The following RNF38 variants were observed in gnomAD, a reference collection of about 807,000 sequenced individuals.
RNF38 encodes ring finger protein 38, also known as E3 ubiquitin-protein ligase RNF38.
A neutral mutation model predicts 67.2 loss-of-function variants in RNF38; 15 were observed. The observed-to-expected ratio is 0.22, with a 90% CI of 0.15 to 0.34. The LOEUF (loss-of-function observed/expected upper bound fraction) is 0.34. Among genes scored for constraint, RNF38 ranks in the 10% least tolerant of loss-of-function variants. The pLI, the probability that RNF38 is intolerant of heterozygous loss-of-function variation, is 1.00. For synonymous variants in RNF38, 220 were observed against 218.8 expected, an observed-to-expected ratio of 1.01 and a Z score of -0.05; for missense variants, 524 against 639.9, an observed-to-expected ratio of 0.82 and a Z score of 1.95.
intron 1 of RNF38, among the ~76,000 whole-genome samples, chr9:36,481,796 C>G (rs1840275709): frequency 6.6e-6 from 1 of 152,124 alleles, no homozygotes. Context: ...GTTTGTACTC[C>G]CCCCTCCTCT....
chr9:36,367,182 C>T (rs551501779), intron 4 of RNF38, among the ~76,000 whole-genome samples: 2 of 152,248 alleles, frequency 1.3e-5, no homozygotes, highest in African/African-American at 4.8e-5. Flanking sequence ...CAGGTTTGCT[C>T]AAATGAACAA....
At chr9:36,459,963 G>C (rs917038784) in intron 1 of RNF38, among the ~76,000 whole-genome samples, 3 of 151,628 alleles carry the variant, frequency 2.0e-5, no homozygotes, top group Admixed American at 6.6e-5. Context: ...AATACTATAA[G>C]AGAAAATTTT....
rs151115370 is a variant in RNF38 at position 36,369,610 on chromosome 9, A to G, written c.570+109T>C. ...AGGAATGAGGAACTTAAATAACTTC[A>G]TTTTAGGTAAAAACTAAAAGAAATT... is the stretch of plus-strand genomic sequence containing the variant. On this transcript the variant is annotated intron_variant, in intron 4 of 11. Transcript: ENST00000259605. 1,750 of 816,630 alleles carry G rather than the reference A, an allele frequency of 2.1e-3. 20 individuals are homozygous for G. The African/African-American group carries it at 0.027, about 13-fold the overall frequency. The allele number at this position is 816,630 out of a possible 1,614,324, so 50.6% of individuals were successfully genotyped here. A position where few individuals can be genotyped will look rare whatever the true frequency, so the allele number is the denominator to read the frequency against.
In RNF38 at chr9:36,430,490, C is replaced by T. The variant is rs138306608; in HGVS notation, n.242-5807G>A. Among the ~76,000 whole-genome samples the T allele has an allele frequency of 4.4e-3, 669 of 152,242 alleles. 1 individual carries two copies. Among genetic ancestry groups the T allele is most frequent in the African/African-American group, 0.014 (579 of 41,522 alleles). ...AAAGTGCTGGGATTACAGGCAAGAGCTACTGTGCCTGGCCTTAATATTTTT... is the reference window on the plus strand; with the variant it reads ...AAAGTGCTGGGATTACAGGCAAGAGTTACTGTGCCTGGCCTTAATATTTTT... On this transcript the variant is annotated intron_variant and non_coding_transcript_variant, in intron 1 of 3. Transcript: ENST00000488058.
intron 2 of RNF38, among the ~76,000 whole-genome samples, chr9:36,413,156 G>C (rs566430883): frequency 3.0e-4 from 46 of 151,734 alleles, no homozygotes; most frequent in African/African-American, 9.9e-4. Flanking sequence ...TTGAACCTGG[G>C]GGGGCAGAAG....
chr9:36,341,960 C>T (rs1413739079), intron 11 of RNF38, among the ~76,000 whole-genome samples: 1 of 151,876 alleles, frequency 6.6e-6, no homozygotes, highest in Non-Finnish European at 1.5e-5. Flanking sequence ...AGAAAATGGT[C>T]AGAATTAAAT....
At chr9:36,394,144 G>A (rs549500432) in intron 1 of RNF38, among the ~76,000 whole-genome samples, 14 of 152,206 alleles carry the variant, frequency 9.2e-5, no homozygotes, top group South Asian at 4.2e-4. Context: ...GCGTGGTGGC[G>A]CACACCTGTA....
At chr9:36,397,025 G>GTATATACACATGTA (rs1837566537) in intron 1 of RNF38, among the ~76,000 whole-genome samples, 2 of 112,618 alleles carry the variant, frequency 1.8e-5, no homozygotes, top group Non-Finnish European at 3.8e-5. Flanking sequence ...GTGTGTGTGT[G>GTATATACACATGTA]TATATACGTA....
chr9:36,390,414 CTGTAGAA>C, intron 2 of RNF38, 46 bp downstream of exon 2: 1 of 1,499,982 alleles, frequency 6.7e-7, no homozygotes. Context: ...CCTAGAAACA[CTGTAGAA>C]TGTGACTTTC....
intron 1 of RNF38, 73 bp from the exon 2 acceptor site, chr9:36,390,689 T>G (rs912284875): frequency 5.6e-6 from 8 of 1,435,306 alleles, no homozygotes; most frequent in Non-Finnish European, 6.6e-6. Flanking sequence ...CTATGAAGGA[T>G]AGTCTGGATT....
intron 1 of RNF38, among the ~76,000 whole-genome samples, chr9:36,425,130 T>G (rs1235197576): frequency 6.6e-6 from 1 of 152,234 alleles, no homozygotes; most frequent in Non-Finnish European, 1.5e-5. Context: ...CATAACACTT[T>G]AAATGTTTTT....
intron 2 of RNF38, among the ~76,000 whole-genome samples, chr9:36,382,550 T>C (rs779452521): frequency 6.6e-6 from 1 of 152,220 alleles, no homozygotes; most frequent in Non-Finnish European, 1.5e-5. Flanking sequence ...TGGGTTTATA[T>C]ATATATCAGC....
chr9:36,401,181 T>C (rs1838009629), upstream of RNF38: 11 of 981,182 alleles, frequency 1.1e-5, no homozygotes, highest in Non-Finnish European at 1.3e-5. Flanking sequence ...CCCCTTTGTT[T>C]CCACCCCGAG....
intron 1 of RNF38, among the ~76,000 whole-genome samples, chr9:36,484,518 T>C (rs1472760323): frequency 6.6e-6 from 1 of 152,188 alleles, no homozygotes; most frequent in East Asian, 1.9e-4. Context: ...ACACCCAACA[T>C]TACCAAATCT....
intron 9 of RNF38, among the ~76,000 whole-genome samples, chr9:36,349,682 C>G (rs890154109): frequency 1.3e-5 from 2 of 151,958 alleles, no homozygotes; most frequent in Non-Finnish European, 2.9e-5. Context: ...GTGTGATGGC[C>G]AAAAAACCAA....
At chr9:36,413,386 A>G (rs2483655) in intron 2 of RNF38, among the ~76,000 whole-genome samples, 8,226 of 152,264 alleles carry the variant, frequency 0.054, 707 homozygotes, top group African/African-American at 0.18. Flanking sequence ...CTGCAAGCCA[A>G]TGAAACTTTT....
At chr9:36,357,753 G>A (rs1428394859) in intron 5 of RNF38, 22 bp downstream of exon 5, 3 of 1,605,442 alleles carry the variant, frequency 1.9e-6, no homozygotes, top group Non-Finnish European at 2.6e-6. Flanking sequence ...AATATCTAAT[G>A]AGAACAAAGA....
At chr9:36,358,811 G>A (rs10115733) in intron 4 of RNF38, among the ~76,000 whole-genome samples, 144,620 of 152,216 alleles carry the variant, frequency 0.95, 69,099 homozygotes, top group East Asian at 1. Flanking sequence ...GGAGGATGAG[G>A]CCAGCCTGGC....
intron 1 of RNF38, among the ~76,000 whole-genome samples, chr9:36,394,430 A>G (rs1480912920): frequency 1.3e-5 from 2 of 152,258 alleles, no homozygotes; most frequent in Non-Finnish European, 2.9e-5. Context: ...CAGAAAACAC[A>G]ATGTGTATGT....
Sources: allele counts gnomAD v4.1 joint callset (sites outside exome capture counted in the v4.1 genomes callset), GRCh38; gene constraint gnomAD v4.1.1; transcripts MANE v1.5; gene names NCBI Gene and HGNC (gene_info 2026-07-23, HGNC 2026-07-21).